ZNF407: variants seen among roughly 807,000 people sequenced by gnomAD.
ZNF407 encodes the protein zinc finger protein 407.
A neutral mutation model predicts 131.2 loss-of-function variants in ZNF407; 17 were observed. The ratio of observed to expected loss-of-function variants is 0.13; its 90% CI spans 0.09 to 0.19. ZNF407 has a LOEUF of 0.19. ZNF407 is among the 10% of genes least tolerant of loss of function. The pLI, the probability that ZNF407 is intolerant of heterozygous loss-of-function variation, is 1.00. For synonymous variants in ZNF407, 1,156 were observed against 1,062.0 expected (o/e 1.09, Z -1.72); for missense variants, 2,681 against 2,830.6 (o/e 0.95, Z 1.20).
intron 3 of ZNF407, among the ~76,000 whole-genome samples, chr18:74,714,572 GTTTT>G (rs1444686505): frequency 6.6e-6 from 1 of 152,138 alleles, no homozygotes; most frequent in Non-Finnish European, 1.5e-5. Flanking sequence ...TTGTTTGTCA[GTTTT>G]GAAGACTAGT....
At chr18:74,852,229 T>C (rs1456214946) in intron 4 of ZNF407, among the ~76,000 whole-genome samples, 1 of 151,924 alleles carries the variant, frequency 6.6e-6, no homozygotes, top group Non-Finnish European at 1.5e-5. Context: ...GCGCGCGCAT[T>C]GCTGGCTTTA....
chr18:74,671,909 T>C (rs1255768404), intron 3 of ZNF407, among the ~76,000 whole-genome samples: 1 of 152,194 alleles, frequency 6.6e-6, no homozygotes, highest in African/African-American at 2.4e-5. Context: ...GGGTTAGCTT[T>C]AGTAGAAAAA....
chr18:74,899,538 A>G (rs1269778835), intron 7 of ZNF407, among the ~76,000 whole-genome samples: 1 of 152,198 alleles, frequency 6.6e-6, no homozygotes, highest in African/African-American at 2.4e-5. Context: ...TGAGATGCCC[A>G]TGTGATGTCC....
intron 1 of ZNF407, among the ~76,000 whole-genome samples, chr18:74,616,462 T>A (rs1983292583): frequency 6.6e-6 from 1 of 152,090 alleles, no homozygotes; most frequent in Admixed American, 6.5e-5. Context: ...TTATATTCTT[T>A]TGACCCTTCT....
intron 8 of ZNF407, among the ~76,000 whole-genome samples, chr18:74,953,043 G>A (rs1451673254): frequency 1.3e-5 from 2 of 152,302 alleles, no homozygotes; most frequent in East Asian, 1.9e-4. Flanking sequence ...TGACTCTGAC[G>A]GAAAGCCATA....
intron 8 of ZNF407, among the ~76,000 whole-genome samples, chr18:74,995,756 C>T (rs1040511997): frequency 6.6e-6 from 1 of 152,068 alleles, no homozygotes. Context: ...TCTGAGGCTA[C>T]CATTTCTTGT....
chr18:75,028,964 A>G (rs1321494178), intron 8 of ZNF407, among the ~76,000 whole-genome samples: 1 of 152,160 alleles, frequency 6.6e-6, no homozygotes, highest in Non-Finnish European at 1.5e-5. Flanking sequence ...ATAGCTGAAA[A>G]TCTGTATCGG....
Position 74,630,167 on chromosome 18 carries a change from CTTTTT to C in ZNF407, c.-53-783_-53-779del, listed in dbSNP as rs1183755965. On this transcript the variant is annotated intron_variant, in intron 1 of 8. Transcript: ENST00000299687. Reference sequence around the variant, plus strand: ...GGAGAAAAGGATGAAACAGTGGTGTCTTTTTTTTTTTTTTTTTTTTTGAGACGGAG... The same window carrying C: ...GGAGAAAAGGATGAAACAGTGGTGTCTTTTTTTTTTTTTTTTGAGACGGAG... Among the ~76,000 whole-genome samples the C allele has an allele frequency of 2.4e-3, 285 of 120,264 alleles. 3 individuals are homozygous for C. Among genetic ancestry groups the C allele is most frequent in the African/African-American group, 8.1e-3 (254 of 31,538 alleles). The allele number at this position is 120,264 out of a possible 152,430, so 78.9% of individuals were successfully genotyped here. A position where few individuals can be genotyped will look rare whatever the true frequency, so the allele number is the denominator to read the frequency against.
chr18:74,668,940 C>CGT (rs569788683), intron 3 of ZNF407, among the ~76,000 whole-genome samples: 465 of 152,058 alleles, frequency 3.1e-3, no homozygotes, highest in Non-Finnish European at 5.3e-3. Flanking sequence ...TGTTCTCATG[C>CGT]GTGTCACGTT....
At chr18:74,861,796 T>G (rs1171214758) in intron 4 of ZNF407, among the ~76,000 whole-genome samples, 1 of 152,212 alleles carries the variant, frequency 6.6e-6, no homozygotes, top group Non-Finnish European at 1.5e-5. Flanking sequence ...ATTTAAAAAA[T>G]ATTTTTATTT....
chr18:74,678,847 G>A (rs1263671725), intron 3 of ZNF407, among the ~76,000 whole-genome samples: 2 of 152,012 alleles, frequency 1.3e-5, no homozygotes, highest in Non-Finnish European at 2.9e-5. Flanking sequence ...ATGAGAAGTT[G>A]GGTGAATACA....
chr18:74,603,635 A>G (rs1262622079), intron 1 of ZNF407, among the ~76,000 whole-genome samples: 2 of 152,248 alleles, frequency 1.3e-5, no homozygotes, highest in African/African-American at 2.4e-5. Flanking sequence ...GTGAGACACC[A>G]TTGACGCCTG....
At chr18:74,866,667 A>G (rs769200508) in intron 4 of ZNF407, among the ~76,000 whole-genome samples, 5 of 151,530 alleles carry the variant, frequency 3.3e-5, no homozygotes, top group South Asian at 2.1e-4. Context: ...ACCAGAATCA[A>G]TTTTGTGAGA....
At chr18:74,714,948 C>T (rs977002173) in intron 3 of ZNF407, among the ~76,000 whole-genome samples, 6 of 152,108 alleles carry the variant, frequency 3.9e-5, no homozygotes, top group African/African-American at 9.7e-5. Flanking sequence ...CTAGACAGGG[C>T]GTCGCTCTGG....
At chr18:74,648,178 C>A (rs1985061083) in intron 3 of ZNF407, among the ~76,000 whole-genome samples, 1 of 152,198 alleles carries the variant, frequency 6.6e-6, no homozygotes, top group African/African-American at 2.4e-5. Context: ...TCCCTAGCTG[C>A]TTCAGAAAAC....
chr18:74,916,695 C>T (rs1400807967), intron 7 of ZNF407, among the ~76,000 whole-genome samples: 5 of 105,816 alleles, frequency 4.7e-5, no homozygotes, highest in East Asian at 2.9e-4. Flanking sequence ...AGCATTCGTT[C>T]GAATCGGGAG....
chr18:75,007,593 G>A (rs979588075), intron 8 of ZNF407, among the ~76,000 whole-genome samples: 2 of 152,242 alleles, frequency 1.3e-5, no homozygotes, highest in Admixed American at 6.5e-5. Flanking sequence ...AATGCAAAAC[G>A]TTGTACAGTT....
rs536530902 is a variant in ZNF407, at chr18:75,037,328, C to T, written c.5429-25822C>T. 9.8e-4 allele frequency among the ~76,000 whole-genome samples: 149 copies of T among 152,214 alleles called. 2 individuals carry two copies. Among genetic ancestry groups the T allele is most frequent in the African/African-American group, 3.3e-3 (139 of 41,530 alleles). On this transcript the variant is annotated intron_variant, in intron 8 of 8. Coordinates refer to ENST00000299687, the MANE Select transcript of ZNF407 (RefSeq NM_017757.3). Reference sequence around the variant, plus strand: ...GGGAAATTCCAGGACAGTGATGTGCCGATGATGCTTTTTGGTTTAACCCTT... The same window carrying T: ...GGGAAATTCCAGGACAGTGATGTGCTGATGATGCTTTTTGGTTTAACCCTT...
chr18:74,940,775 C>G (rs1972088828), intron 8 of ZNF407, among the ~76,000 whole-genome samples: 1 of 152,170 alleles, frequency 6.6e-6, no homozygotes. Flanking sequence ...CTTGGTGAAG[C>G]GTCGCTCCCT....
Sources: gnomAD v4.1 joint callset for allele counts (sites outside exome capture counted in the v4.1 genomes callset) on GRCh38, gnomAD v4.1.1 for gene constraint, MANE v1.5 for transcripts, NCBI Gene and HGNC (gene_info 2026-07-23, HGNC 2026-07-21) for gene names.